PITPNC1: variants seen among roughly 807,000 people sequenced by gnomAD.
PITPNC1 encodes the protein cytoplasmic phosphatidylinositol transfer protein 1.
In PITPNC1, 18 loss-of-function variants were observed where a neutral mutation model predicts 44.7. That is an observed-to-expected ratio of 0.40 (90% CI 0.28 to 0.60). The LOEUF is 0.60. Among genes scored for constraint, PITPNC1 ranks in the 20% least tolerant of loss-of-function variants. The pLI, the probability that PITPNC1 is intolerant of heterozygous loss-of-function variation, is 0.39. For synonymous variants in PITPNC1, 141 were observed against 149.6 expected, an observed-to-expected ratio of 0.94 and a Z score of 0.42; for missense variants, 290 against 418.4, an observed-to-expected ratio of 0.69 and a Z score of 2.68.
intron 6 of PITPNC1, among the ~76,000 whole-genome samples, chr17:67,667,722 G>T (rs1298928525): frequency 6.6e-6 from 1 of 151,368 alleles, no homozygotes; most frequent in Non-Finnish European, 1.5e-5. Flanking sequence ...TTGTACTTTG[G>T]GAGGCCTAGC....
At chr17:67,519,251 G>A (rs1255646309) in intron 1 of PITPNC1, among the ~76,000 whole-genome samples, 7 of 134,980 alleles carry the variant, frequency 5.2e-5, no homozygotes, top group African/African-American at 1.1e-4. Context: ...ATCTCAGCTC[G>A]CTGCAACTTC....
rs148280427 is a variant in PITPNC1 at position 67,564,822 on chromosome 17, T to C, written c.294+11205T>C. On this transcript the variant is annotated intron_variant, in intron 4 of 8. Coordinates refer to ENST00000581322, the MANE Select transcript of PITPNC1 (RefSeq NM_012417.4). ...AAATTTTTTCTGCTTACTAAAATAG[T>C]AGATATTTATTGTAACATCCAAGCA... Among the ~76,000 whole-genome samples, 561 of 152,304 alleles carry C rather than the reference T, an allele frequency of 3.7e-3. 2 individuals carry two copies. The highest frequency in any genetic ancestry group is 0.013 in the African/African-American group (539 of 41,564).
At chr17:67,429,682 A>G (rs1461390980) in intron 1 of PITPNC1, among the ~76,000 whole-genome samples, 1 of 147,228 alleles carries the variant, frequency 6.8e-6, no homozygotes, top group South Asian at 2.3e-4. Flanking sequence ...TGGATGAAAG[A>G]GCAAAACTCT....
chr17:67,587,796 C>G (rs1277708295), intron 5 of PITPNC1, among the ~76,000 whole-genome samples: 2 of 152,170 alleles, frequency 1.3e-5, no homozygotes, highest in African/African-American at 4.8e-5. Context: ...AATTTCTCCC[C>G]CTGGGTGCCT....
chr17:67,455,617 T>C (rs2039245237), intron 1 of PITPNC1, among the ~76,000 whole-genome samples: 1 of 151,876 alleles, frequency 6.6e-6, no homozygotes, highest in South Asian at 2.1e-4. Context: ...TTTTTTTGTA[T>C]TTTTAGTAGA....
At chr17:67,533,451 A>G (rs565327223) in intron 2 of PITPNC1, among the ~76,000 whole-genome samples, 68 of 152,332 alleles carry the variant, frequency 4.5e-4, no homozygotes, top group African/African-American at 1.5e-3. Context: ...TGGAGGCTGC[A>G]GTGAGCCATG....
At chr17:67,494,189 C>CTTTCTTTCTTTCTTTCT (rs1555657782) in intron 1 of PITPNC1, among the ~76,000 whole-genome samples, 1 of 62,064 alleles carries the variant, frequency 1.6e-5, no homozygotes, top group African/African-American at 5.1e-5. Flanking sequence ...CTTTCTTTTT[C>CTTTCTTTCTTTCTTTCT]TTTCTTTCTT....
chr17:67,379,345 T>G (rs910603434), intron 1 of PITPNC1: 5 of 985,490 alleles, frequency 5.1e-6, no homozygotes, highest in Non-Finnish European at 6.0e-6. Flanking sequence ...AGAACATGGC[T>G]GAGCTCACAG....
intron 6 of PITPNC1, among the ~76,000 whole-genome samples, chr17:67,650,807 C>T (rs551672336): frequency 1.6e-4 from 24 of 152,158 alleles, no homozygotes; most frequent in Non-Finnish European, 2.5e-4. Context: ...TCATTTGCCT[C>T]GTCCCTCTTC....
At chr17:67,603,345 T>A (rs1010096265) in intron 5 of PITPNC1, among the ~76,000 whole-genome samples, 1 of 152,216 alleles carries the variant, frequency 6.6e-6, no homozygotes, top group African/African-American at 2.4e-5. Flanking sequence ...GGCAGCCATG[T>A]GGATATTGAC....
rs763064602 is a variant in PITPNC1 at position 67,545,271 on chromosome 17, C to T, written c.198-6986C>T. Among the ~76,000 whole-genome samples the T allele has an allele frequency of 5.3e-5, 8 of 152,164 alleles. No homozygotes were observed. In the South Asian group the frequency reaches 6.2e-4, roughly 12 times the overall value. ...GGGTTGCAGTGAGCTATGATGGCAC[C>T]GCTGCACTCCAGCCTGGGTGACAAA... is the stretch of plus-strand genomic sequence containing the variant. On this transcript the variant is annotated intron_variant, in intron 2 of 8. Coordinates refer to ENST00000581322, the MANE Select transcript of PITPNC1 (RefSeq NM_012417.4).
Position 67,377,949 on chromosome 17 carries a change from G to A in PITPNC1, c.-206G>A, listed in dbSNP as rs960145992. Reference sequence around the variant, plus strand: ...CGGCCTCGGCGAGGGAGGAGGCGGGGGAGCTGCGAACACCCAGACCCAAAC... The same window carrying A: ...CGGCCTCGGCGAGGGAGGAGGCGGGAGAGCTGCGAACACCCAGACCCAAAC... On this transcript the variant is annotated 5_prime_UTR_variant, in exon 1 of 9. Transcript: ENST00000581322. The A allele has an allele frequency of 4.3e-5, 18 of 413,940 alleles. 1 individual carries two copies. The highest frequency in any genetic ancestry group is 1.6e-4 in the East Asian group (4 of 25,630). The allele number at this position is 413,940 out of a possible 1,614,324, so 25.6% of individuals were successfully genotyped here.
chr17:67,531,393 C>T (rs909691999), intron 1 of PITPNC1, among the ~76,000 whole-genome samples: 1 of 152,140 alleles, frequency 6.6e-6, no homozygotes, highest in Admixed American at 6.5e-5. Context: ...TTCATGTGAC[C>T]GTTCTGGAGA....
intron 1 of PITPNC1, among the ~76,000 whole-genome samples, chr17:67,467,646 T>C (rs7217437): frequency 0.59 from 89,407 of 151,934 alleles, 27,983 homozygotes; most frequent in African/African-American, 0.79. Flanking sequence ...CAGATTTGCT[T>C]TACAAGTTAC....
chr17:67,578,034 T>C, intron 4 of PITPNC1, 152 bp from the exon 5 acceptor site: 1 of 693,478 alleles, frequency 1.4e-6, no homozygotes, highest in South Asian at 1.5e-5. Context: ...GGCTTTCCTT[T>C]GTCTGAATTT....
intron 1 of PITPNC1, among the ~76,000 whole-genome samples, chr17:67,442,204 C>CATGTATATATAT (rs1178533056): frequency 3.7e-5 from 2 of 54,218 alleles, no homozygotes; most frequent in African/African-American, 1.0e-4. Context: ...GGAAAATAAG[C>CATGTATATATAT]ATATATATAT....
At chr17:67,460,740 C>G (rs1038597667) in intron 1 of PITPNC1, among the ~76,000 whole-genome samples, 1 of 121,534 alleles carries the variant, frequency 8.2e-6, no homozygotes, top group Non-Finnish European at 1.6e-5. Context: ...TTCTTTCTTT[C>G]TTTTTTTTTT....
chr17:67,532,990 C>T (rs1200561082), intron 2 of PITPNC1, 40 bp downstream of exon 2: 2 of 1,541,358 alleles, frequency 1.3e-6, no homozygotes, highest in Non-Finnish European at 1.8e-6. Flanking sequence ...GAAGCCCCCT[C>T]CCACCTGACC....
At chr17:67,379,232 C>T (rs2037920992) in intron 1 of PITPNC1, 1 of 985,618 alleles carries the variant, frequency 1.0e-6, no homozygotes, top group Admixed American at 6.2e-5. Context: ...CCCAGACCGT[C>T]TTTATATTTA....
Sources: allele counts gnomAD v4.1 joint callset (sites outside exome capture counted in the v4.1 genomes callset), GRCh38; gene constraint gnomAD v4.1.1; transcripts MANE v1.5; gene names NCBI Gene and HGNC (gene_info 2026-07-23, HGNC 2026-07-21).